The following ARL15 variants were observed in gnomAD, a reference collection of about 807,000 sequenced individuals.
The protein encoded by ARL15 is ARF like GTPase 15.
In ARL15, 19 loss-of-function variants were observed where a neutral mutation model predicts 25.2. The ratio of observed to expected loss-of-function variants is 0.75; its 90% CI spans 0.53 to 1.10. ARL15 has a LOEUF of 1.10. ARL15 is among the 50% of genes least tolerant of loss of function. The pLI is 0.00. For missense variants in ARL15, 220 were observed against 246.0 expected (o/e 0.89, Z 0.71); for synonymous variants, 94 against 86.8 (o/e 1.08, Z -0.46).
intron 4 of ARL15, among the ~76,000 whole-genome samples, chr5:54,077,684 G>T (rs2112097317): frequency 6.6e-6 from 1 of 152,282 alleles, no homozygotes; most frequent in African/African-American, 2.4e-5. Context: ...ACAACAGCTA[G>T]CCTTAATAAT....
intron 2 of ARL15, among the ~76,000 whole-genome samples, chr5:54,158,219 G>A (rs1269422923): frequency 6.6e-6 from 1 of 152,194 alleles, no homozygotes; most frequent in African/African-American, 2.4e-5. Context: ...GAGAAAGAAA[G>A]TCTAGGTTCA....
At chr5:54,004,963 CTAGTTTT>C (rs568387089) in intron 4 of ARL15, among the ~76,000 whole-genome samples, 154 of 152,246 alleles carry the variant, frequency 1.0e-3, no homozygotes, top group African/African-American at 3.5e-3. Flanking sequence ...TGTTCTCTTT[CTAGTTTT>C]TAAATTCTAA....
At chr5:54,257,037 A>G (rs1191521351) in intron 1 of ARL15, among the ~76,000 whole-genome samples, 2 of 152,220 alleles carry the variant, frequency 1.3e-5, no homozygotes, top group Non-Finnish European at 2.9e-5. Flanking sequence ...GAACAAGACA[A>G]GGATGCTCAC....
chr5:54,157,141 C>G (rs1754259983), intron 2 of ARL15, among the ~76,000 whole-genome samples: 1 of 152,218 alleles, frequency 6.6e-6, no homozygotes, highest in African/African-American at 2.4e-5. Flanking sequence ...CAGGCCTCAA[C>G]TTTGAAAAGG....
intron 1 of ARL15, among the ~76,000 whole-genome samples, chr5:54,215,615 C>A (rs1420115712): frequency 1.3e-5 from 1 of 77,324 alleles, no homozygotes; most frequent in African/African-American, 4.0e-5. Context: ...GCTAAGTGCG[C>A]GAAGGGGGGA....
intron 4 of ARL15, among the ~76,000 whole-genome samples, chr5:54,088,168 T>C (rs759255500): frequency 6.6e-6 from 1 of 151,932 alleles, no homozygotes; most frequent in Non-Finnish European, 1.5e-5. Flanking sequence ...AAGGGGCAAA[T>C]AATAGAGCAA....
At chr5:54,045,050 GC>G (rs1441399166) in intron 4 of ARL15, among the ~76,000 whole-genome samples, 1 of 152,112 alleles carries the variant, frequency 6.6e-6, no homozygotes, top group African/African-American at 2.4e-5. Flanking sequence ...CAAGGATTTG[GC>G]TATACCACAA....
intron 3 of ARL15, among the ~76,000 whole-genome samples, chr5:54,147,445 C>T (rs558842026): frequency 6.6e-6 from 1 of 152,238 alleles, no homozygotes; most frequent in Admixed American, 6.5e-5. Flanking sequence ...AAAATAACAA[C>T]AAGAAAATCA....
At chr5:54,240,269 T>TC (rs1756925628) in intron 1 of ARL15, among the ~76,000 whole-genome samples, 1 of 150,432 alleles carries the variant, frequency 6.6e-6, no homozygotes, top group Admixed American at 6.6e-5. Context: ...AATTTTTTTT[T>TC]TTTTGCTTTG....
Position 54,154,637 on chromosome 5 carries a change from A to T in ARL15, c.196T>A (p.Phe66Ile). 1 of 1,515,192 alleles carries T rather than the reference A, an allele frequency of 6.6e-7. No homozygotes were observed. The highest frequency in any genetic ancestry group is 8.8e-7 in the Non-Finnish European group (1 of 1,132,122). 93.9% of individuals were successfully genotyped at this position (1,515,192 alleles called of 1,614,324 possible). ...TGGAATGGCACTGCTTTAATACTAAAACCTAAAATTAGAAAACAAAAACAT... is the reference window on the plus strand; with the variant it reads ...TGGAATGGCACTGCTTTAATACTAATACCTAAAATTAGAAAACAAAAACAT... Reference protein sequence around the residue: ...SPDNVVSTTGFSIKAVPFQNA... With the variant: ...SPDNVVSTTGISIKAVPFQNA... Residue 66 changes from phenylalanine (F) to isoleucine (I), a missense_variant and splice_region_variant, in exon 3 of 5, where the codon TTT (phenylalanine) becomes ATT (isoleucine). Physicochemically the swap from Phe to Ile is conservative, Grantham distance 21. Transcript: ENST00000504924.
intron 1 of ARL15, among the ~76,000 whole-genome samples, chr5:54,250,445 C>T (rs1271681881): frequency 6.6e-6 from 1 of 152,084 alleles, no homozygotes; most frequent in African/African-American, 2.4e-5. Flanking sequence ...GGAAAGAGAT[C>T]AGATTTTCAA....
chr5:54,083,005 T>A (rs549350981), intron 4 of ARL15, among the ~76,000 whole-genome samples: 1 of 152,312 alleles, frequency 6.6e-6, no homozygotes, highest in South Asian at 2.1e-4. Context: ...CGAATCTTCA[T>A]ATTTTAGAGT....
At chr5:53,965,816 A>G (rs555969773) in intron 4 of ARL15, among the ~76,000 whole-genome samples, 1 of 152,240 alleles carries the variant, frequency 6.6e-6, no homozygotes, top group African/African-American at 2.4e-5. Context: ...CTGAGATTGG[A>G]GTAAATGGAC....
At chr5:54,228,600 C>A (rs372441283) in intron 1 of ARL15, among the ~76,000 whole-genome samples, 1 of 144,118 alleles carries the variant, frequency 6.9e-6, no homozygotes, top group East Asian at 2.1e-4. Flanking sequence ...TGAGGTTTTG[C>A]AATAAAAATT....
intron 4 of ARL15, among the ~76,000 whole-genome samples, chr5:53,945,851 C>A (rs1179448361): frequency 1.3e-5 from 2 of 152,140 alleles, no homozygotes; most frequent in African/African-American, 4.8e-5. Context: ...AAGGACCTTG[C>A]AGGCCAGGCC....
At chr5:53,992,681 C>G (rs2113013) in intron 4 of ARL15, among the ~76,000 whole-genome samples, 1 of 151,968 alleles carries the variant, frequency 6.6e-6, no homozygotes, top group African/African-American at 2.4e-5. Flanking sequence ...GTCATGGACT[C>G]TACCATGTTA....
intron 4 of ARL15, among the ~76,000 whole-genome samples, chr5:53,945,994 C>T (rs1580106224): frequency 6.6e-6 from 1 of 152,150 alleles, no homozygotes; most frequent in East Asian, 1.9e-4. Context: ...TGCATTTGAC[C>T]CTGATATTCC....
intron 4 of ARL15, among the ~76,000 whole-genome samples, chr5:53,948,171 A>G (rs891997920): frequency 1.3e-5 from 2 of 152,244 alleles, no homozygotes; most frequent in Admixed American, 6.5e-5. Flanking sequence ...AATACGTAAG[A>G]TGATGATATA....
chr5:53,944,363 C>A (rs1000219268), intron 4 of ARL15, among the ~76,000 whole-genome samples: 3 of 152,126 alleles, frequency 2.0e-5, no homozygotes, highest in African/African-American at 7.2e-5. Context: ...GTAATCCCAG[C>A]ACTTTGGGAG....
Sources: gnomAD v4.1 joint callset for allele counts (sites outside exome capture counted in the v4.1 genomes callset) on GRCh38, gnomAD v4.1.1 for gene constraint, MANE v1.5 for transcripts, NCBI Gene and HGNC (gene_info 2026-07-23, HGNC 2026-07-21) for gene names.